Variants in GPC5 observed in about 807,000 individuals in gnomAD.
GPC5 encodes glypican 5.
GPC5 carries 47 observed loss-of-function variants against 53.9 expected under a neutral mutation model. That is an observed-to-expected ratio of 0.87 (90% CI 0.69 to 1.11). The LOEUF (loss-of-function observed/expected upper bound fraction) is 1.11, where lower values mean the gene tolerates loss of function less well. Ranked by LOEUF, GPC5 falls within the 50% of genes most tolerant of loss-of-function variation. The pLI is 0.00. For missense variants in GPC5, 748 were observed against 713.1 expected (o/e 1.05, Z -0.56); for synonymous variants, 286 against 263.3 (o/e 1.09, Z -0.84).
chr13:91,409,701 G>GT lies in GPC5; in HGVS notation c.163+10498dup, dbSNP rs567770882. Among the ~76,000 whole-genome samples the GT allele has an allele frequency of 1.5e-3, 228 of 151,784 alleles. 1 individual carries two copies. The highest frequency in any genetic ancestry group is 5.3e-3 in the African/African-American group (221 of 41,406). On this transcript the variant is annotated intron_variant, in intron 1 of 7. Transcript: ENST00000377067. ...GACGAGGAAGATGCCTGTGTTATTT[G>GT]TTTTTTCTCCCGACTTTCATATTAG...
intron 2 of GPC5, among the ~76,000 whole-genome samples, chr13:91,579,624 C>CTTTTTTTTTTTTTTTTTTT (rs3055895): frequency 4.2e-4 from 43 of 102,588 alleles, no homozygotes; most frequent in East Asian, 9.2e-4. Context: ...TTTTCTTTTT[C>CTTTTTTTTTTTTTTTTTTT]TTTTTTTTTT....
At chr13:91,900,041 T>A (rs1219925902) in intron 5 of GPC5, among the ~76,000 whole-genome samples, 1 of 152,198 alleles carries the variant, frequency 6.6e-6, no homozygotes, top group African/African-American at 2.4e-5. Flanking sequence ...TTGCATGATA[T>A]GTTGGTAATC....
chr13:91,470,397 A>G (rs1358874527), intron 2 of GPC5, among the ~76,000 whole-genome samples: 7 of 152,158 alleles, frequency 4.6e-5, no homozygotes, highest in African/African-American at 1.7e-4. Context: ...TTAGACTGAT[A>G]TCAGTATCAC....
intron 6 of GPC5, among the ~76,000 whole-genome samples, chr13:92,024,553 T>C (rs2040785537): frequency 6.6e-6 from 1 of 152,176 alleles, no homozygotes; most frequent in Admixed American, 6.6e-5. Flanking sequence ...TCTCACATTG[T>C]TTAAAATGTC....
At chr13:91,594,330 G>A (rs1486728918) in intron 2 of GPC5, among the ~76,000 whole-genome samples, 2 of 152,158 alleles carry the variant, frequency 1.3e-5, no homozygotes, top group Non-Finnish European at 2.9e-5. Flanking sequence ...AGATATGACT[G>A]TATGGTCTCA....
chr13:91,862,197 T>C (rs987367519), intron 5 of GPC5, among the ~76,000 whole-genome samples: 1 of 152,204 alleles, frequency 6.6e-6, no homozygotes, highest in Non-Finnish European at 1.5e-5. Context: ...TGTTAGCATG[T>C]TTTGTAGTGA....
chr13:92,031,712 TACATATATGTAATATATTACATA>T (rs2040844309), intron 6 of GPC5, among the ~76,000 whole-genome samples: 1 of 54,572 alleles, frequency 1.8e-5, no homozygotes, highest in Admixed American at 3.4e-4. Flanking sequence ...TTATATATAT[TACATATATGTAATATATTACATA>T]TTATATATAA....
At chr13:92,742,057 G>A (rs1480062421) in intron 7 of GPC5, among the ~76,000 whole-genome samples, 10 of 148,804 alleles carry the variant, frequency 6.7e-5, no homozygotes, top group South Asian at 2.2e-4. Context: ...GTGTGCATGT[G>A]TCTTTATAGC....
At chr13:91,741,740 G>A (rs2036938494) in intron 4 of GPC5, among the ~76,000 whole-genome samples, 1 of 152,116 alleles carries the variant, frequency 6.6e-6, no homozygotes, top group Admixed American at 6.6e-5. Flanking sequence ...GAGTATATAT[G>A]TTTGTTTAGA....
intron 7 of GPC5, among the ~76,000 whole-genome samples, chr13:92,600,644 C>T (rs1007121079): frequency 2.7e-5 from 4 of 148,524 alleles, no homozygotes; most frequent in African/African-American, 1.0e-4. Context: ...ATTACAGGAC[C>T]CCATCACCAC....
chr13:92,599,767 A>T (rs556912622), intron 7 of GPC5, among the ~76,000 whole-genome samples: 1 of 152,174 alleles, frequency 6.6e-6, no homozygotes, highest in East Asian at 1.9e-4. Context: ...TCACTAATGG[A>T]TAATTTTCCT....
intron 6 of GPC5, among the ~76,000 whole-genome samples, chr13:92,118,946 C>T (rs753766432): frequency 6.6e-6 from 1 of 152,190 alleles, no homozygotes; most frequent in Non-Finnish European, 1.5e-5. Flanking sequence ...ATACTTTAAC[C>T]ACTAAATAAT....
chr13:92,085,716 T>C (rs1165832152), intron 6 of GPC5, among the ~76,000 whole-genome samples: 1 of 151,572 alleles, frequency 6.6e-6, no homozygotes, highest in African/African-American at 2.4e-5. Context: ...ATCTGGGGGG[T>C]GATGGGAGAC....
chr13:92,376,529 A>T (rs1047060171), intron 7 of GPC5, among the ~76,000 whole-genome samples: 1 of 152,142 alleles, frequency 6.6e-6, no homozygotes, highest in Non-Finnish European at 1.5e-5. Context: ...CTGGTCTTAG[A>T]CTGTTGACGA....
intron 7 of GPC5, among the ~76,000 whole-genome samples, chr13:92,653,956 G>C: frequency 6.6e-6 from 1 of 152,220 alleles, no homozygotes; most frequent in East Asian, 1.9e-4. Context: ...TATTCAGCAT[G>C]ACTAGGGCAA....
At chr13:91,910,705 C>T (rs1273423626) in intron 6 of GPC5, among the ~76,000 whole-genome samples, 3 of 152,104 alleles carry the variant, frequency 2.0e-5, no homozygotes, top group Non-Finnish European at 4.4e-5. Flanking sequence ...AAGATTTTTA[C>T]TTGGAAAATG....
intron 7 of GPC5, among the ~76,000 whole-genome samples, chr13:92,641,178 C>T (rs1310685864): frequency 6.6e-6 from 1 of 152,138 alleles, no homozygotes; most frequent in East Asian, 1.9e-4. Flanking sequence ...GTGGAGAATT[C>T]AAATGACACC....
chr13:91,469,656 T>C (rs185946798), intron 2 of GPC5, among the ~76,000 whole-genome samples: 252 of 152,260 alleles, frequency 1.7e-3, no homozygotes, highest in African/African-American at 5.7e-3. Flanking sequence ...ATTTTTTCTA[T>C]TCAGTAATTT....
chr13:92,283,146 G>A (rs537371591), intron 7 of GPC5, among the ~76,000 whole-genome samples: 35 of 152,252 alleles, frequency 2.3e-4, no homozygotes, highest in African/African-American at 7.9e-4. Context: ...AGACAATGAA[G>A]GCCATTACAT....
Sources: gnomAD v4.1 joint callset for allele counts (sites outside exome capture counted in the v4.1 genomes callset) on GRCh38, gnomAD v4.1.1 for gene constraint, MANE v1.5 for transcripts, NCBI Gene and HGNC (gene_info 2026-07-23, HGNC 2026-07-21) for gene names.